TNNI3K: variants seen among roughly 807,000 people sequenced by gnomAD.
TNNI3K encodes serine/threonine-protein kinase TNNI3K.
A neutral mutation model predicts 114.5 loss-of-function variants in TNNI3K; 140 were observed. The observed-to-expected ratio is 1.22, with a 90% CI of 1.07 to 1.41. The LOEUF is 1.41. Ranked by LOEUF, TNNI3K falls within the 40% of genes most tolerant of loss-of-function variation. The pLI, the probability that TNNI3K is intolerant of heterozygous loss-of-function variation, is 0.00. For synonymous variants in TNNI3K, 347 were observed against 347.5 expected, an observed-to-expected ratio of 1.00 and a Z score of 0.02; for missense variants, 1,125 against 1,007.6, an observed-to-expected ratio of 1.12 and a Z score of -1.58.
At chr1:74,455,383 C>T (rs1667187015) in intron 20 of TNNI3K, among the ~76,000 whole-genome samples, 1 of 152,116 alleles carries the variant, frequency 6.6e-6, no homozygotes, top group Admixed American at 6.5e-5. Context: ...AGGGATGAAT[C>T]AGGGAATACA....
rs577849934 is a variant in TNNI3K, at chr1:74,366,862, T to C, written c.1178-394T>C. ...TCACAGCAAATACATCTCTCTTTCCTGATTACTGTATGTACTTTTTGCCCT... is the reference window on the plus strand; with the variant it reads ...TCACAGCAAATACATCTCTCTTTCCCGATTACTGTATGTACTTTTTGCCCT... On this transcript the variant is annotated intron_variant, in intron 11 of 24. Transcript: ENST00000326637. 7 of 157,196 alleles carry C rather than the reference T, an allele frequency of 4.5e-5. No homozygotes were observed. The South Asian group carries it at 9.9e-4, about 22-fold the overall frequency. 9.7% of individuals were successfully genotyped at this position (157,196 alleles called of 1,614,324 possible). A position where few individuals can be genotyped will look rare whatever the true frequency, so the allele number is the denominator to read the frequency against.
At chr1:74,354,945 C>T (rs1015940289) in intron 11 of TNNI3K, among the ~76,000 whole-genome samples, 2 of 152,232 alleles carry the variant, frequency 1.3e-5, no homozygotes, top group Admixed American at 1.3e-4. Flanking sequence ...TAACTGAAGA[C>T]ATTCAGATGG....
rs988699028 is a variant in TNNI3K, at chr1:74,353,371, G to A, written c.1027+11G>A. The A allele has an allele frequency of 8.7e-6, 14 of 1,612,066 alleles. No individual in the cohort carries two copies. The highest frequency in any genetic ancestry group is 1.2e-5 in the Non-Finnish European group (14 of 1,179,276). On this transcript the variant is annotated intron_variant, in intron 10 of 24. Transcript: ENST00000326637. Reference sequence around the variant, plus strand: ...GGGATGGGCACACTGGTAAGACTGTGGTGAAAACACCACTAGTTCTATATG... The same window carrying A: ...GGGATGGGCACACTGGTAAGACTGTAGTGAAAACACCACTAGTTCTATATG...
At chr1:74,466,917 T>C (rs1269809111) in intron 21 of TNNI3K, among the ~76,000 whole-genome samples, 1 of 152,214 alleles carries the variant, frequency 6.6e-6, no homozygotes, top group Non-Finnish European at 1.5e-5. Context: ...GCTAGTTATA[T>C]GGAGATTGAT....
chr1:74,366,622 T>A (rs1662286349), intron 11 of TNNI3K: 1 of 151,950 alleles, frequency 6.6e-6, no homozygotes, highest in Admixed American at 6.6e-5. Context: ...ACTTCACTTT[T>A]GCTCATATTC....
At chr1:74,461,993 T>G (rs1197541894) in intron 20 of TNNI3K, among the ~76,000 whole-genome samples, 1 of 152,220 alleles carries the variant, frequency 6.6e-6, no homozygotes, top group African/African-American at 2.4e-5. Flanking sequence ...ATTAATGCTT[T>G]AATATTTAGA....
At chr1:74,360,423 A>G (rs17095183) in intron 11 of TNNI3K, among the ~76,000 whole-genome samples, 5,958 of 152,054 alleles carry the variant, frequency 0.039, 399 homozygotes, top group African/African-American at 0.14. Flanking sequence ...AACCATCATC[A>G]TATTCGCTAG....
rs45440691 is a variant in TNNI3K at position 74,462,732 on chromosome 1, A to C, written c.2012-709A>C. On this transcript the variant is annotated intron_variant, in intron 20 of 24. Coordinates refer to ENST00000326637, the MANE Select transcript of TNNI3K (RefSeq NM_015978.3). Reference sequence around the variant, plus strand: ...AGAAATCATTAGTTGCAGAACAGGAAATATTTAGCAATCAGGAATCTACAG... The same window carrying C: ...AGAAATCATTAGTTGCAGAACAGGACATATTTAGCAATCAGGAATCTACAG... 7.9e-3 allele frequency among the ~76,000 whole-genome samples: 1,210 copies of C among 152,264 alleles called. 21 individuals carry two copies. The highest frequency in any genetic ancestry group is 0.028 in the African/African-American group (1,169 of 41,536).
intron 23 of TNNI3K, among the ~76,000 whole-genome samples, chr1:74,505,414 T>C (rs1669842343): frequency 6.6e-6 from 1 of 152,232 alleles, no homozygotes; most frequent in Non-Finnish European, 1.5e-5. Flanking sequence ...ACTGTTGCTA[T>C]GTTCGCAGCA....
rs200318618 is a variant in TNNI3K, at chr1:74,250,690, G to A, written c.254G>A (p.Arg85Gln). Residue 85 changes from arginine (R) to glutamine (Q), a missense_variant, in exon 4 of 25, where the codon CGA (arginine) becomes CAA (glutamine). Coordinates refer to ENST00000326637, the MANE Select transcript of TNNI3K (RefSeq NM_015978.3). ...CICGGKKSHI[R>Q]TLMLKGLRPS... ...CTTTAAGGCAAGAAATCACATATTC[G>A]AACTCTTATGTTGAAAGGGCTCCGC... 1.5e-5 allele frequency: 24 copies of A among 1,609,972 alleles called. No individual in the cohort carries two copies. Among genetic ancestry groups the A allele is most frequent in the African/African-American group, 2.7e-5 (2 of 74,642 alleles).
intron 7 of TNNI3K, among the ~76,000 whole-genome samples, chr1:74,337,381 T>G: frequency 6.6e-6 from 1 of 151,760 alleles, no homozygotes; most frequent in Non-Finnish European, 1.5e-5. Flanking sequence ...AATTTTGGCT[T>G]TTGTTGCCAT....
At chr1:74,498,897 G>A (rs996897207) in intron 23 of TNNI3K, among the ~76,000 whole-genome samples, 14 of 152,132 alleles carry the variant, frequency 9.2e-5, no homozygotes, top group Non-Finnish European at 1.2e-4. Context: ...AAAAGGTAAT[G>A]TTCCTTCAAA....
intron 17 of TNNI3K, among the ~76,000 whole-genome samples, chr1:74,393,716 G>A (rs1007851913): frequency 6.6e-6 from 1 of 152,268 alleles, no homozygotes; most frequent in Non-Finnish European, 1.5e-5. Context: ...TCCACAGAAG[G>A]TGGGGAAGTG....
In TNNI3K at chr1:74,292,761, T is replaced by C. The variant is rs1230263425; in HGVS notation, c.444+21053T>C. ...TCTTTCATATCTTTATTGTTTCTTGTTGGCTTTATCAATTTTGTGTTAAAA... is the reference window on the plus strand; with the variant it reads ...TCTTTCATATCTTTATTGTTTCTTGCTGGCTTTATCAATTTTGTGTTAAAA... On this transcript the variant is annotated intron_variant, in intron 5 of 24. Coordinates refer to ENST00000326637, the MANE Select transcript of TNNI3K (RefSeq NM_015978.3). Among the ~76,000 whole-genome samples the C allele has an allele frequency of 2.6e-5, 4 of 151,226 alleles. No homozygotes were observed. In the East Asian group the frequency reaches 7.7e-4, roughly 29 times the overall value.
chr1:74,445,766 A>T (rs1666627235), intron 20 of TNNI3K, among the ~76,000 whole-genome samples: 1 of 151,526 alleles, frequency 6.6e-6, no homozygotes, highest in Non-Finnish European at 1.5e-5. Context: ...GCCCGCCACT[A>T]CGCCTGGCTA....
chr1:74,268,700 G>A (rs1431735071), intron 4 of TNNI3K, among the ~76,000 whole-genome samples: 1 of 151,740 alleles, frequency 6.6e-6, no homozygotes, highest in Admixed American at 6.6e-5. Flanking sequence ...AACTGCTCCA[G>A]TGCACATAGT....
intron 9 of TNNI3K, among the ~76,000 whole-genome samples, chr1:74,348,028 T>C (rs557528456): frequency 1.4e-4 from 22 of 152,304 alleles, no homozygotes; most frequent in African/African-American, 5.3e-4. Context: ...AATTTTGGCT[T>C]TTGTTGTCAT....
intron 5 of TNNI3K, among the ~76,000 whole-genome samples, chr1:74,278,005 GT>G (rs1656784907): frequency 3.9e-5 from 6 of 152,230 alleles, no homozygotes; most frequent in African/African-American, 1.4e-4. Context: ...TCATCCAAAT[GT>G]TTCAGTAGAG....
intron 16 of TNNI3K, chr1:74,370,041 G>A (rs779213213): frequency 2.5e-5 from 7 of 277,680 alleles, no homozygotes; most frequent in African/African-American, 1.1e-4. Context: ...ATTAAGTATA[G>A]TATTATAAAT....
Sources: allele counts gnomAD v4.1 joint callset (sites outside exome capture counted in the v4.1 genomes callset), GRCh38; gene constraint gnomAD v4.1.1; transcripts MANE v1.5; gene names NCBI Gene and HGNC (gene_info 2026-07-23, HGNC 2026-07-21).